MYO1H: variants seen among roughly 807,000 people sequenced by gnomAD.
MYO1H encodes unconventional myosin-Ih.
MYO1H carries 118 observed loss-of-function variants against 149.3 expected under a neutral mutation model. The observed-to-expected ratio is 0.79, with a 90% CI of 0.68 to 0.92. The LOEUF is 0.92. MYO1H is among the 40% of genes least tolerant of loss of function. MYO1H has a pLI of 0.00. For synonymous variants in MYO1H, 447 were observed against 465.2 expected (o/e 0.96, Z 0.50); for missense variants, 1,212 against 1,280.7 (o/e 0.95, Z 0.82).
chr12:109,323,859 A>G, the MYO1H span, among the ~76,000 whole-genome samples: 1 of 152,184 alleles, frequency 6.6e-6, no homozygotes, highest in Non-Finnish European at 1.5e-5. Flanking sequence ...TATTCTCACC[A>G]ACTTGGTGAG....
At chr12:109,333,461 A>G in the MYO1H span, among the ~76,000 whole-genome samples, 3 of 152,004 alleles carry the variant, frequency 2.0e-5, no homozygotes, top group African/African-American at 4.8e-5. Context: ...CTCCTTCTCC[A>G]TAGGCACCAG....
At chr12:109,367,958 A>G (rs1486503437) in intron 1 of MYO1H, among the ~76,000 whole-genome samples, 6 of 152,056 alleles carry the variant, frequency 3.9e-5, no homozygotes, top group Non-Finnish European at 7.4e-5. Flanking sequence ...GGCTCATATG[A>G]TGCTCCCGCT....
chr12:109,435,554 G>A (rs1427654455), intron 21 of MYO1H, among the ~76,000 whole-genome samples: 4 of 152,152 alleles, frequency 2.6e-5, no homozygotes, highest in Non-Finnish European at 2.9e-5. Context: ...TCAAAACTGC[G>A]GGGGGAGGGA....
intron 1 of MYO1H, among the ~76,000 whole-genome samples, chr12:109,380,397 G>T (rs1278407170): frequency 2.0e-5 from 3 of 152,062 alleles, no homozygotes. Flanking sequence ...ATGTACATCT[G>T]GTTGCTAGCA....
chr12:109,389,706 CAT>C (rs1236410817), intron 2 of MYO1H, among the ~76,000 whole-genome samples: 2 of 152,172 alleles, frequency 1.3e-5, no homozygotes, highest in Non-Finnish European at 2.9e-5. Flanking sequence ...GGGTAAACTT[CAT>C]AGTGTCCCTG....
chr12:109,328,133 CACACACGCAT>C, the MYO1H span, among the ~76,000 whole-genome samples: 1,954 of 148,500 alleles, frequency 0.013, 56 homozygotes, highest in African/African-American at 0.047. Flanking sequence ...AACACACACA[CACACACGCAT>C]ATATATATAT....
chr12:109,333,088 G>C, the MYO1H span, among the ~76,000 whole-genome samples: 1 of 152,300 alleles, frequency 6.6e-6, no homozygotes, highest in East Asian at 1.9e-4. Context: ...GGGAGGCTGA[G>C]GTGGGTGGAT....
At chr12:109,409,240 C>CTTTTTTTTTTTTTTTTT (rs1870542742) in intron 10 of MYO1H, among the ~76,000 whole-genome samples, 1 of 91,034 alleles carries the variant, frequency 1.1e-5, no homozygotes, top group African/African-American at 5.3e-5. Flanking sequence ...TCTTCTTCTT[C>CTTTTTTTTTTTTTTTTT]TTCTTCTTTT....
chr12:109,409,213 CTCCTTCTTCTTT>C (rs1255235786), intron 10 of MYO1H, among the ~76,000 whole-genome samples: 2 of 130,428 alleles, frequency 1.5e-5, no homozygotes, highest in African/African-American at 5.5e-5. Flanking sequence ...CCTTCTTCTT[CTCCTTCTTCTTT>C]TTCTTCTTCT....
At chr12:109,417,466 T>TAC (rs1870969210) in intron 15 of MYO1H, among the ~76,000 whole-genome samples, 1 of 151,938 alleles carries the variant, frequency 6.6e-6, no homozygotes, top group Non-Finnish European at 1.5e-5. Context: ...TAGCTGGGAC[T>TAC]ACAGGTGCCC....
intron 31 of MYO1H, among the ~76,000 whole-genome samples, chr12:109,446,708 G>C (rs189921577): frequency 1.9e-4 from 29 of 152,310 alleles, no homozygotes; most frequent in South Asian, 4.1e-4. Flanking sequence ...AGGTTGCAGT[G>C]AGCTGAGATC....
At chr12:109,361,560 C>A (rs970944777) in intron 1 of MYO1H, among the ~76,000 whole-genome samples, 1 of 152,200 alleles carries the variant, frequency 6.6e-6, no homozygotes, top group Admixed American at 6.5e-5. Flanking sequence ...AATCCCAGCA[C>A]TTTGGGAGGC....
chr12:109,415,581 C>G lies in MYO1H; in HGVS notation c.1558C>G (p.Leu520Val). 1 of 1,606,774 alleles carries G rather than the reference C, an allele frequency of 6.2e-7. No homozygotes were observed. Residue 520 changes from leucine to valine, a missense_variant, in exon 15 of 32, where the codon CTC (leucine) becomes GTC (valine). Coordinates refer to ENST00000310903, the Ensembl canonical transcript of MYO1H. ...GAGGATTGGCTGGATGGAGTTCCGA[C>G]TCCTCCACTATGCAGGAGAGGTCAC...
chr12:109,312,253 T>C, the MYO1H span, among the ~76,000 whole-genome samples: 1 of 152,050 alleles, frequency 6.6e-6, no homozygotes, highest in African/African-American at 2.4e-5. Context: ...CGCTCTGTCA[T>C]CTAGGCTGGA....
intron 1 of MYO1H, among the ~76,000 whole-genome samples, chr12:109,348,999 T>G (rs1314345107): frequency 6.6e-6 from 1 of 152,220 alleles, no homozygotes; most frequent in African/African-American, 2.4e-5. Context: ...GGCACTGTCC[T>G]TGACCGAAAA....
At chr12:109,391,488 G>A (rs1310377586) in intron 2 of MYO1H, among the ~76,000 whole-genome samples, 1 of 152,108 alleles carries the variant, frequency 6.6e-6, no homozygotes, top group Non-Finnish European at 1.5e-5. Flanking sequence ...TCATTGATGG[G>A]CATTTGGGTT....
At chr12:109,439,534 A>T (rs1592820293) in intron 23 of MYO1H, 97 bp from the exon 24 acceptor site, 1 of 909,376 alleles carries the variant, frequency 1.1e-6, no homozygotes. Flanking sequence ...CACAGCCTCT[A>T]CCACTTTGGC....
At chr12:109,323,281 C>A in the MYO1H span, among the ~76,000 whole-genome samples, 1 of 152,212 alleles carries the variant, frequency 6.6e-6, no homozygotes, top group African/African-American at 2.4e-5. Context: ...AATTAACCCA[C>A]AGGCTACATT....
At chr12:109,336,177 T>G in the MYO1H span, among the ~76,000 whole-genome samples, 1 of 152,096 alleles carries the variant, frequency 6.6e-6, no homozygotes, top group African/African-American at 2.4e-5. Flanking sequence ...TCCCTTGATG[T>G]TGTCTCTCAG....
Sources: allele counts gnomAD v4.1 joint callset (sites outside exome capture counted in the v4.1 genomes callset), GRCh38; gene constraint gnomAD v4.1.1; transcripts MANE v1.5; gene names NCBI Gene and HGNC (gene_info 2026-07-23, HGNC 2026-07-21).